The following SOX5 variants were observed in gnomAD, a reference collection of about 807,000 sequenced individuals.
SOX5 encodes the protein transcription factor SOX-5.
A neutral mutation model predicts 92.0 loss-of-function variants in SOX5; 9 were observed. The ratio of observed to expected loss-of-function variants is 0.10; its 90% CI spans 0.06 to 0.17. The LOEUF is 0.17. SOX5 is among the 10% of genes least tolerant of loss of function. SOX5 has a pLI of 1.00. For missense variants in SOX5, 642 were observed against 944.5 expected, an observed-to-expected ratio of 0.68 and a Z score of 4.20; for synonymous variants, 344 against 336.3, an observed-to-expected ratio of 1.02 and a Z score of -0.25.
chr12:23,764,348 A>G (rs2094646937), intron 3 of SOX5, among the ~76,000 whole-genome samples: 1 of 152,092 alleles, frequency 6.6e-6, no homozygotes, highest in African/African-American at 2.4e-5. Context: ...GATAGAACAA[A>G]ATAATAGAAA....
chr12:23,998,133 C>T (rs900231415), intron 4 of SOX5, among the ~76,000 whole-genome samples: 1 of 151,846 alleles, frequency 6.6e-6, no homozygotes, highest in Non-Finnish European at 1.5e-5. Context: ...ACTTGCCTAA[C>T]AAAAACTTCA....
At chr12:23,802,202 T>C (rs1306025303) in intron 3 of SOX5, among the ~76,000 whole-genome samples, 2 of 151,958 alleles carry the variant, frequency 1.3e-5, no homozygotes, top group Non-Finnish European at 2.9e-5. Flanking sequence ...GCCTCCCGAG[T>C]AGCTGGGACT....
Position 24,393,999 on chromosome 12 carries a change from T to G in SOX5, c.-250-25360A>C, listed in dbSNP as rs143139123. Among the ~76,000 whole-genome samples, 655 of 152,194 alleles carry G rather than the reference T, an allele frequency of 4.3e-3. 9 individuals carry two copies. Among genetic ancestry groups the G allele is most frequent in the African/African-American group, 0.015 (613 of 41,540 alleles). The stretch of plus-strand genomic sequence containing the variant: ...GTGGCTGAAGAACACACAATAGCAT[T>G]CAGAACAGAGACCTGACCACACTAT... On this transcript the variant is annotated intron_variant, in intron 1 of 4. Transcript: ENST00000446891. The surrounding 1 kb of genome is among the most constrained non-coding windows in gnomAD (Gnocchi z 5.0).
intron 3 of SOX5, among the ~76,000 whole-genome samples, chr12:23,785,124 G>A (rs533989784): frequency 5.9e-5 from 9 of 152,172 alleles, no homozygotes; most frequent in Admixed American, 2.6e-4. Flanking sequence ...AACACTTTGC[G>A]CATCTTCTTT....
At chr12:23,938,023 G>A (rs1221813697) in intron 1 of SOX5, among the ~76,000 whole-genome samples, 1 of 150,480 alleles carries the variant, frequency 6.6e-6, no homozygotes, top group Admixed American at 6.6e-5. Context: ...CTAGGTTTTA[G>A]CCATCAAAAC....
intron 6 of SOX5, among the ~76,000 whole-genome samples, chr12:23,669,955 G>GCC (rs2084488422): frequency 6.6e-6 from 1 of 152,132 alleles, no homozygotes; most frequent in South Asian, 2.1e-4. Flanking sequence ...TAATGAGAAT[G>GCC]GCCTAGACAA....
intron 4 of SOX5, among the ~76,000 whole-genome samples, chr12:24,006,447 T>C (rs922873724): frequency 6.6e-6 from 1 of 152,146 alleles, no homozygotes; most frequent in African/African-American, 2.4e-5. Context: ...GGTACAGAAC[T>C]TTTTTCTGCT....
intron 11 of SOX5, among the ~76,000 whole-genome samples, chr12:23,557,190 T>C (rs971972383): frequency 1.2e-4 from 19 of 152,192 alleles, no homozygotes; most frequent in Non-Finnish European, 2.6e-4. Flanking sequence ...AATCAGCCTA[T>C]ATAGTCTGTG....
At chr12:24,240,024 G>A (rs887619440) in intron 3 of SOX5, among the ~76,000 whole-genome samples, 1 of 152,054 alleles carries the variant, frequency 6.6e-6, no homozygotes, top group Non-Finnish European at 1.5e-5. Flanking sequence ...CATACATAAA[G>A]TTATGGCACT....
chr12:23,915,484 T>C (rs2097403785), intron 1 of SOX5, among the ~76,000 whole-genome samples: 1 of 152,172 alleles, frequency 6.6e-6, no homozygotes, highest in Non-Finnish European at 1.5e-5. Context: ...TTCTGAATCT[T>C]GCTAGAAAAG....
At chr12:24,292,711 C>G (rs1180447168) in intron 2 of SOX5, among the ~76,000 whole-genome samples, 1 of 152,216 alleles carries the variant, frequency 6.6e-6, no homozygotes, top group Admixed American at 6.5e-5. Flanking sequence ...ATCTTTACAA[C>G]TGGATTTTGG....
chr12:24,399,007 C>T (rs1234091737), intron 1 of SOX5, among the ~76,000 whole-genome samples: 1 of 152,096 alleles, frequency 6.6e-6, no homozygotes, highest in Non-Finnish European at 1.5e-5. Context: ...AAATAGAACC[C>T]ACTTAATTTT....
At chr12:23,831,946 G>C (rs1258978607) in intron 3 of SOX5, among the ~76,000 whole-genome samples, 1 of 56,640 alleles carries the variant, frequency 1.8e-5, no homozygotes, top group Non-Finnish European at 3.7e-5. Context: ...TGTAGGATCT[G>C]AAAGGGGAAC....
At chr12:24,114,605 A>T (rs996515059) in intron 4 of SOX5, among the ~76,000 whole-genome samples, 2 of 146,136 alleles carry the variant, frequency 1.4e-5, no homozygotes, top group Admixed American at 1.4e-4. Context: ...AAAAAAAAAA[A>T]TTAACAGACT....
At position 24,541,342 on chromosome 12, in the gene SOX5, T is replaced by C. The variant is rs1276698730; in HGVS notation, c.-251+20987A>G. Among the ~76,000 whole-genome samples the C allele has an allele frequency of 2.0e-5, 3 of 152,240 alleles. No homozygotes were observed. The East Asian group carries it at 5.8e-4, about 29-fold the overall frequency. The stretch of plus-strand genomic sequence containing the variant: ...GGTAAAAGGTTGCTTTCATTATTTG[T>C]ATTTTACAATAGAAAATAAACGAAG... On this transcript the variant is annotated intron_variant, in intron 1 of 4. Transcript: ENST00000446891.
intron 4 of SOX5, among the ~76,000 whole-genome samples, chr12:24,113,975 TGA>T (rs1262521697): frequency 6.6e-6 from 1 of 152,156 alleles, no homozygotes; most frequent in Non-Finnish European, 1.5e-5. Context: ...CAAAAAAATG[TGA>T]GAGTTTTGTT....
intron 1 of SOX5, among the ~76,000 whole-genome samples, chr12:24,551,118 A>G (rs981888658): frequency 6.6e-6 from 1 of 152,202 alleles, no homozygotes; most frequent in African/African-American, 2.4e-5. Context: ...TCTGGATCGC[A>G]TGTCACTCTG....
intron 6 of SOX5, among the ~76,000 whole-genome samples, chr12:23,720,853 G>A (rs761940777): frequency 1.1e-4 from 17 of 151,986 alleles, no homozygotes; most frequent in Non-Finnish European, 2.2e-4. Context: ...TGATGGGCTC[G>A]GCACAATTGC....
chr12:23,879,115 T>C (rs2096959964), intron 2 of SOX5, among the ~76,000 whole-genome samples: 1 of 152,144 alleles, frequency 6.6e-6, no homozygotes, highest in Non-Finnish European at 1.5e-5. Flanking sequence ...GTGTTCACAA[T>C]GCTTACTAAG....
Sources: gnomAD v4.1 joint callset for allele counts (sites outside exome capture counted in the v4.1 genomes callset) on GRCh38, gnomAD v4.1.1 for gene constraint, Gnocchi (gnomAD v3.1) non-coding constraint, MANE v1.5 for transcripts, NCBI Gene and HGNC (gene_info 2026-07-23, HGNC 2026-07-21) for gene names.